Variants in MYCBPAP observed in about 807,000 individuals in gnomAD.
The protein encoded by MYCBPAP is MYCBP associated protein.
A neutral mutation model predicts 106.1 loss-of-function variants in MYCBPAP; 60 were observed. That is an observed-to-expected ratio of 0.57 (90% CI 0.46 to 0.70). MYCBPAP has a LOEUF of 0.70. MYCBPAP is among the 30% of genes least tolerant of loss of function. MYCBPAP has a pLI of 0.00. For missense variants in MYCBPAP, 1,064 were observed against 1,169.3 expected, an observed-to-expected ratio of 0.91 and a Z score of 1.31; for synonymous variants, 407 against 440.6, an observed-to-expected ratio of 0.92 and a Z score of 0.95.
chr17:50,522,197 T>G (rs2034284523), intron 10 of MYCBPAP, 116 bp downstream of exon 10: 3 of 723,830 alleles, frequency 4.1e-6, no homozygotes, highest in African/African-American at 3.5e-5. Flanking sequence ...TATCTGGTCG[T>G]GCATTCAGCA....
intron 4 of MYCBPAP, among the ~76,000 whole-genome samples, chr17:50,518,146 A>T (rs2034120443): frequency 6.6e-6 from 1 of 152,198 alleles, no homozygotes; most frequent in African/African-American, 2.4e-5. Context: ...CCTTCCCATC[A>T]TGCAGTGCTT....
At chr17:50,521,868 A>G in intron 9 of MYCBPAP, 105 bp from the exon 10 acceptor site, 1 of 941,144 alleles carries the variant, frequency 1.1e-6, no homozygotes, top group Admixed American at 1.8e-5. Flanking sequence ...ATTGCAGGGT[A>G]GAGCTGGTTG....
At chr17:50,530,681 T>C (rs1355600262) in intron 18 of MYCBPAP, among the ~76,000 whole-genome samples, 1 of 150,944 alleles carries the variant, frequency 6.6e-6, no homozygotes, top group African/African-American at 2.4e-5. Context: ...TCCAACCCCA[T>C]TGGAGGGGTC....
At position 50,528,289 on chromosome 17, in the gene MYCBPAP, A is replaced by G. The variant is rs1421852482; in HGVS notation, c.2407+19A>G. 3 of 1,581,566 alleles carry G rather than the reference A, an allele frequency of 1.9e-6. No individual in the cohort carries two copies. In the Admixed American group the frequency reaches 5.1e-5, roughly 27 times the overall value. ...GAGCAAGGTCAGATCTTGTGCAACCAACCACACCTCTGCATAGCCCTCCTC... is the reference window on the plus strand; with the variant it reads ...GAGCAAGGTCAGATCTTGTGCAACCGACCACACCTCTGCATAGCCCTCCTC... On this transcript the variant is annotated intron_variant, in intron 16 of 18. Coordinates refer to ENST00000323776, the MANE Select transcript of MYCBPAP (RefSeq NM_032133.6).
chr17:50,524,535 C>T (rs557061976), intron 12 of MYCBPAP, among the ~76,000 whole-genome samples: 146 of 152,244 alleles, frequency 9.6e-4, no homozygotes, highest in African/African-American at 3.4e-3. Flanking sequence ...CAGAAGCACC[C>T]CCACTATGTG....
chr17:50,517,715 C>T lies in MYCBPAP; in HGVS notation c.468+17C>T. The T allele has an allele frequency of 1.2e-6, 2 of 1,606,424 alleles. No individual in the cohort carries two copies. Among genetic ancestry groups the T allele is most frequent in the African/African-American group, 2.7e-5 (2 of 74,870 alleles). On this transcript the variant is annotated intron_variant, in intron 4 of 18. Transcript: ENST00000323776. ...AACACCCAGGTTTGTTTGCACAGAA[C>T]TACCCGGATGAGAGCAGTCACTGAA...
At position 50,521,199 on chromosome 17, in the gene MYCBPAP, A is replaced by T; in HGVS notation, c.1006A>T (p.Met336Leu). ...IYRRKELQRI[M>L]EELDFSQQDI... ...CCGACGCAAGGAGCTGCAGAGAATCATGGAAGAGCTGGATTTCAGCCAGCA... is the reference window on the plus strand; with the variant it reads ...CCGACGCAAGGAGCTGCAGAGAATCTTGGAAGAGCTGGATTTCAGCCAGCA... The change falls in exon 8 of 19, where the codon ATG (methionine) becomes TTG (leucine). Residue 336 changes from methionine (M) to leucine (L), a missense_variant. Transcript: ENST00000323776. 1.2e-6 allele frequency: 2 copies of T among 1,613,386 alleles called. No homozygotes were observed. The highest frequency in any genetic ancestry group is 1.7e-6 in the Non-Finnish European group (2 of 1,179,786).
At position 50,517,337 on chromosome 17, in the gene MYCBPAP, C is replaced by T; in HGVS notation, c.249C>T (p.Ile83=). 6.2e-7 allele frequency: 1 copy of T among 1,614,164 alleles called. No homozygotes were observed. The highest frequency in any genetic ancestry group is 8.5e-7 in the Non-Finnish European group (1 of 1,180,034). ...RLTEKEDKRV[I]TQKFIIRKLK... ...CTGAAAAGGAAGATAAACGTGTCAT[C>T]ACCCAGAAATTTATCATCCGTAAAC... The change falls in exon 3 of 19, where the codon ATC becomes ATT. Residue 83 remains isoleucine (I), a synonymous_variant. Coordinates refer to ENST00000323776, the MANE Select transcript of MYCBPAP (RefSeq NM_032133.6).
rs1443070223 is a variant in MYCBPAP at position 50,508,681 on chromosome 17, T to C, written c.7T>C (p.Ser3Pro). The change falls in exon 1 of 19, where the codon TCT becomes CCT. Residue 3 changes from serine (S) to proline (P), a missense_variant. Ser to Pro is a moderately conservative substitution (Grantham distance 74, BLOSUM62 -1). Coordinates refer to ENST00000323776, the MANE Select transcript of MYCBPAP (RefSeq NM_032133.6). ...CATGGTGCCGGGCGGCACCATGAAG[T>C]CTCTAAAGAAGGATTCCCGCCTCAG... MK[S>P]LKKDSRLRIT... 2.5e-6 allele frequency: 4 copies of C among 1,606,484 alleles called. No individual in the cohort carries two copies. The highest frequency in any genetic ancestry group is 3.4e-6 in the Non-Finnish European group (4 of 1,175,426).
At chr17:50,529,825 G>C (rs981669683) in intron 18 of MYCBPAP, 5 of 456,540 alleles carry the variant, frequency 1.1e-5, no homozygotes, top group Non-Finnish European at 1.8e-5. Flanking sequence ...CCCATCAACT[G>C]TAAGAGTTTG....
intron 1 of MYCBPAP, chr17:50,509,534 T>TCTGTGTG (rs1340756401): frequency 3.4e-5 from 4 of 117,930 alleles, no homozygotes; most frequent in African/African-American, 4.6e-5. Flanking sequence ...AGCTTTTTTT[T>TCTGTGTG]TCTGTGTGTG....
intron 16 of MYCBPAP, among the ~76,000 whole-genome samples, 195 bp from the exon 17 acceptor site, chr17:50,528,500 A>G (rs903123741): frequency 1.3e-5 from 2 of 152,182 alleles, no homozygotes; most frequent in African/African-American, 4.8e-5. Flanking sequence ...TGACTTATCC[A>G]TGGCCATTCA....
At chr17:50,524,500 C>A (rs73334101) in intron 12 of MYCBPAP, among the ~76,000 whole-genome samples, 3,174 of 152,242 alleles carry the variant, frequency 0.021, 110 homozygotes, top group African/African-American at 0.072. Flanking sequence ...CTCACTGAAG[C>A]CTGATGAAGG....
rs757312980 is a variant in MYCBPAP, at chr17:50,519,591, T to A, written c.769-49T>A. On this transcript the variant is annotated intron_variant, in intron 6 of 18. Coordinates refer to ENST00000323776, the MANE Select transcript of MYCBPAP (RefSeq NM_032133.6). The stretch of plus-strand genomic sequence containing the variant: ...TTGTCTTCCCACATCTCCACCAGCA[T>A]CTGGCTGAGGTGTCCTGGTAATCTG... The A allele has an allele frequency of 5.6e-6, 9 of 1,607,010 alleles. No individual in the cohort carries two copies. In the Admixed American group the frequency reaches 1.3e-4, roughly 24 times the overall value.
In MYCBPAP at chr17:50,525,924, G is replaced by GGC. The variant is rs747630474; in HGVS notation, c.1829_1830dup (p.Gln611AlafsTer4). On this transcript the variant is annotated frameshift_variant, in exon 14 of 19. Transcript: ENST00000323776. LOFTEE classifies it high-confidence loss of function. ...GTGGTGCAAAGCCTGCACCAACTGT[G>GGC]GCGCCAGTACATGACCCTGCCCGCC... 3.7e-6 allele frequency: 6 copies of GGC among 1,612,864 alleles called. No individual in the cohort carries two copies. The highest frequency in any genetic ancestry group is 5.1e-6 in the Non-Finnish European group (6 of 1,179,896).
intron 6 of MYCBPAP, 73 bp downstream of exon 6, chr17:50,519,162 C>A: frequency 9.3e-7 from 1 of 1,077,506 alleles, no homozygotes; most frequent in Non-Finnish European, 1.4e-6. Context: ...GGTGTCTGGA[C>A]ACAGGGATGC....
intron 1 of MYCBPAP, among the ~76,000 whole-genome samples, chr17:50,512,606 T>C (rs906723534): frequency 2.6e-5 from 4 of 152,200 alleles, no homozygotes; most frequent in African/African-American, 9.6e-5. Context: ...ACCAAACCTA[T>C]TGCCTGTACC....
At chr17:50,529,776 C>T (rs1350235551) in intron 18 of MYCBPAP, 1 of 456,696 alleles carries the variant, frequency 2.2e-6, no homozygotes, top group African/African-American at 2.0e-5. Context: ...TGCATCCTGG[C>T]AGATGCGTTC....
chr17:50,516,776 T>TG, intron 2 of MYCBPAP, 79 bp downstream of exon 2: 1 of 1,526,906 alleles, frequency 6.5e-7, no homozygotes, highest in African/African-American at 1.4e-5. Context: ...ACACCAGCCA[T>TG]GTCCCTACTC....
Sources: gnomAD v4.1 joint callset for allele counts (sites outside exome capture counted in the v4.1 genomes callset) on GRCh38, gnomAD v4.1.1 for gene constraint, MANE v1.5 for transcripts, NCBI Gene and HGNC (gene_info 2026-07-23, HGNC 2026-07-21) for gene names.